Variants in RBFOX1 observed in about 807,000 individuals in gnomAD.
RBFOX1 encodes the protein RNA binding fox-1 homolog 1.
A neutral mutation model predicts 57.7 loss-of-function variants in RBFOX1; 8 were observed. That is an observed-to-expected ratio of 0.14 (90% CI 0.08 to 0.25). The LOEUF is 0.25. Ranked by LOEUF, RBFOX1 falls within the 10% of genes least tolerant of loss-of-function variation. RBFOX1 has a pLI of 1.00. For synonymous variants in RBFOX1, 326 were observed against 222.4 expected (o/e 1.47, Z -4.15); for missense variants, 611 against 548.5 (o/e 1.11, Z -1.14).
chr16:7,507,100 A>G (rs868816845), intron 4 of RBFOX1, among the ~76,000 whole-genome samples: 1 of 152,198 alleles, frequency 6.6e-6, no homozygotes, highest in Admixed American at 6.5e-5. Flanking sequence ...TGACTTGCCA[A>G]TAGTTTCACC....
At chr16:6,772,698 T>G in intron 3 of RBFOX1, among the ~76,000 whole-genome samples, 1 of 148,492 alleles carries the variant, frequency 6.7e-6, no homozygotes, top group Non-Finnish European at 1.5e-5. Context: ...TATATGTGGG[T>G]GTGGGATGCA....
At chr16:7,454,406 C>G (rs893381555) in intron 4 of RBFOX1, among the ~76,000 whole-genome samples, 1 of 152,216 alleles carries the variant, frequency 6.6e-6, no homozygotes, top group Non-Finnish European at 1.5e-5. Context: ...GGCAGATTGT[C>G]TCCCAAGTTA....
At chr16:7,517,958 G>A (rs1254739300) in intron 4 of RBFOX1, among the ~76,000 whole-genome samples, 189 bp from the exon 5 acceptor site, 2 of 152,042 alleles carry the variant, frequency 1.3e-5, no homozygotes, top group Non-Finnish European at 2.9e-5. Flanking sequence ...ATGGGGAGAA[G>A]TGATGGTTAC....
chr16:7,518,060 C>A, intron 4 of RBFOX1, 87 bp from the exon 5 acceptor site: 1 of 1,496,612 alleles, frequency 6.7e-7, no homozygotes, highest in Non-Finnish European at 9.0e-7. Flanking sequence ...ACGCGGGGCA[C>A]GATCGTCCTG....
intron 5 of RBFOX1, among the ~76,000 whole-genome samples, chr16:7,557,306 C>T (rs977317336): frequency 6.6e-6 from 1 of 152,008 alleles, no homozygotes; most frequent in Non-Finnish European, 1.5e-5. Context: ...AATACAATAC[C>T]TCCAATGACT....
intron 3 of RBFOX1, among the ~76,000 whole-genome samples, chr16:7,036,206 T>TC (rs1186795548): frequency 1.3e-5 from 2 of 151,826 alleles, no homozygotes; most frequent in Admixed American, 6.6e-5. Context: ...CTTGACATTT[T>TC]TTTTTTTTTC....
intron 2 of RBFOX1, among the ~76,000 whole-genome samples, chr16:6,547,262 G>T (rs968145953): frequency 1.3e-5 from 2 of 152,060 alleles, no homozygotes; most frequent in African/African-American, 4.8e-5. Flanking sequence ...TTCTTCCTGG[G>T]AATCATTACC....
chr16:6,253,318 C>T (rs575364815), intron 1 of RBFOX1, among the ~76,000 whole-genome samples: 4 of 152,318 alleles, frequency 2.6e-5, no homozygotes, highest in Admixed American at 1.3e-4. Flanking sequence ...AAAGTCATCA[C>T]ATCTGTCACT....
intron 2 of RBFOX1, among the ~76,000 whole-genome samples, chr16:6,619,220 A>G (rs936887543): frequency 2.0e-5 from 3 of 152,052 alleles, no homozygotes; most frequent in Non-Finnish European, 4.4e-5. Context: ...CCCCTTAAAC[A>G]GTGAGGCAGC....
At chr16:5,350,165 G>T (rs2065231712) in intron 1 of RBFOX1, among the ~76,000 whole-genome samples, 1 of 152,170 alleles carries the variant, frequency 6.6e-6, no homozygotes, top group South Asian at 2.1e-4. Flanking sequence ...TGTGCTTGCT[G>T]TCAGGATTAA....
chr16:6,109,118 GCCATGTACATAA>G (rs1233724537), intron 1 of RBFOX1, among the ~76,000 whole-genome samples: 2 of 152,156 alleles, frequency 1.3e-5, no homozygotes, highest in African/African-American at 2.4e-5. Flanking sequence ...GTTTTATCAT[GCCATGTACATAA>G]CCACTGTCAG....
intron 4 of RBFOX1, among the ~76,000 whole-genome samples, chr16:7,504,734 TATATA>T (rs2072327064): frequency 1.3e-4 from 1 of 7,532 alleles, no homozygotes; most frequent in Non-Finnish European, 4.5e-4. Context: ...TATATATATA[TATATA>T]TATATATATA....
intron 2 of RBFOX1, among the ~76,000 whole-genome samples, chr16:6,444,563 T>G (rs2094447868): frequency 6.6e-6 from 1 of 152,196 alleles, no homozygotes; most frequent in East Asian, 1.9e-4. Context: ...AAGACGTGAC[T>G]TATTCCTCTT....
chr16:5,889,841 G>T (rs369434371), intron 4 of RBFOX1, among the ~76,000 whole-genome samples: 27 of 152,208 alleles, frequency 1.8e-4, no homozygotes, highest in African/African-American at 6.3e-4. Context: ...GTAGTCGAGT[G>T]GTTTTTAAAG....
chr16:6,538,040 A>G (rs1394423309), intron 2 of RBFOX1, among the ~76,000 whole-genome samples: 1 of 151,792 alleles, frequency 6.6e-6, no homozygotes, highest in African/African-American at 2.4e-5. Context: ...TAAAATTCAC[A>G]TAATATAAAA....
At chr16:6,756,948 C>T (rs1036587854) in intron 3 of RBFOX1, among the ~76,000 whole-genome samples, 1 of 152,002 alleles carries the variant, frequency 6.6e-6, no homozygotes, top group Non-Finnish European at 1.5e-5. Flanking sequence ...GCACTCCAGC[C>T]TGGGCACCAA....
At chr16:6,053,675 C>G (rs929978454) in intron 1 of RBFOX1, among the ~76,000 whole-genome samples, 3 of 152,156 alleles carry the variant, frequency 2.0e-5, no homozygotes, top group African/African-American at 7.2e-5. Context: ...TGCTTGTAAT[C>G]TTTCCCTACG....
chr16:5,658,971 C>A (rs965129263), intron 3 of RBFOX1, among the ~76,000 whole-genome samples: 1 of 151,750 alleles, frequency 6.6e-6, no homozygotes, highest in Non-Finnish European at 1.5e-5. Flanking sequence ...AATTGCGATG[C>A]TATAAACATG....
intron 1 of RBFOX1, among the ~76,000 whole-genome samples, chr16:6,158,664 G>T (rs1230562269): frequency 6.6e-6 from 1 of 152,128 alleles, no homozygotes; most frequent in South Asian, 2.1e-4. Context: ...CAGAGAAAAA[G>T]TCAGACAAAA....
Sources: gnomAD v4.1 joint callset for allele counts (sites outside exome capture counted in the v4.1 genomes callset) on GRCh38, gnomAD v4.1.1 for gene constraint, MANE v1.5 for transcripts, NCBI Gene and HGNC (gene_info 2026-07-23, HGNC 2026-07-21) for gene names.